The following RAD51B variants were observed in gnomAD, a reference collection of about 807,000 sequenced individuals.
RAD51B encodes the protein DNA repair protein RAD51 homolog 2.
In RAD51B, 38 loss-of-function variants were observed where a neutral mutation model predicts 42.2. That is an observed-to-expected ratio of 0.90 (90% CI 0.70 to 1.18). The LOEUF (loss-of-function observed/expected upper bound fraction) is 1.18. Ranked by LOEUF, RAD51B falls within the 50% of genes most tolerant of loss-of-function variation. RAD51B has a pLI of 0.00. For synonymous variants in RAD51B, 154 were observed against 145.2 expected (o/e 1.06, Z -0.43); for missense variants, 373 against 400.7 (o/e 0.93, Z 0.59).
At chr14:68,270,661 C>T (rs746878952) in intron 7 of RAD51B, among the ~76,000 whole-genome samples, 33 of 152,204 alleles carry the variant, frequency 2.2e-4, no homozygotes, top group African/African-American at 7.0e-4. Flanking sequence ...GAAGACATCA[C>T]CCAGATTGCC....
intron 7 of RAD51B, among the ~76,000 whole-genome samples, chr14:68,184,756 C>T (rs376015559): frequency 6.6e-5 from 10 of 152,088 alleles, no homozygotes; most frequent in Admixed American, 4.6e-4. Flanking sequence ...GGTAAGTTTA[C>T]CTGTAAATGG....
intron 7 of RAD51B, among the ~76,000 whole-genome samples, chr14:68,254,839 A>C (rs192694652): frequency 1.1e-3 from 162 of 152,344 alleles, no homozygotes; most frequent in African/African-American, 3.6e-3. Flanking sequence ...TTTGAATACA[A>C]GGCATACCAT....
At chr14:68,011,923 G>A (rs1053606409) in intron 7 of RAD51B, among the ~76,000 whole-genome samples, 3 of 152,120 alleles carry the variant, frequency 2.0e-5, no homozygotes, top group South Asian at 2.1e-4. Context: ...GCAAAGCATC[G>A]ACACTAAAGG....
intron 7 of RAD51B, among the ~76,000 whole-genome samples, chr14:68,159,483 G>A (rs753224613): frequency 2.0e-5 from 3 of 151,984 alleles, no homozygotes; most frequent in Non-Finnish European, 4.4e-5. Flanking sequence ...AGCCAGCCAC[G>A]ATGGCGTGTG....
chr14:67,855,219 AACAATTACTATTATAGTTCTTTTTTTTT>A (rs2041949733), intron 4 of RAD51B, among the ~76,000 whole-genome samples: 1 of 148,822 alleles, frequency 6.7e-6, no homozygotes, highest in African/African-American at 2.5e-5. Context: ...TTTTTCTTGG[AACAATTACTATTATAGTTCTTTTTTTTT>A]TGAGACAGAG....
chr14:67,956,869 A>G (rs747256301), intron 7 of RAD51B, among the ~76,000 whole-genome samples: 7 of 152,246 alleles, frequency 4.6e-5, no homozygotes, highest in Non-Finnish European at 8.8e-5. Context: ...GACAGCATAG[A>G]TAGTGAGCAT....
intron 7 of RAD51B, among the ~76,000 whole-genome samples, chr14:68,252,978 G>T (rs1392881223): frequency 6.6e-6 from 1 of 151,940 alleles, no homozygotes; most frequent in Non-Finnish European, 1.5e-5. Flanking sequence ...AGCTGCTCAG[G>T]AGGCTAAGGC....
chr14:67,853,828 C>T (rs2041899071), intron 4 of RAD51B, among the ~76,000 whole-genome samples: 1 of 152,114 alleles, frequency 6.6e-6, no homozygotes, highest in Non-Finnish European at 1.5e-5. Context: ...ACGTGAATGT[C>T]ACTGAATCTG....
At chr14:67,914,920 A>G (rs1183386785) in intron 7 of RAD51B, among the ~76,000 whole-genome samples, 1 of 152,200 alleles carries the variant, frequency 6.6e-6, no homozygotes, top group East Asian at 1.9e-4. Context: ...CGGGGATGCC[A>G]CCTCTTCCAA....
chr14:68,632,554 T>C (rs1485530344), intron 10 of RAD51B, among the ~76,000 whole-genome samples: 1 of 152,202 alleles, frequency 6.6e-6, no homozygotes, highest in Non-Finnish European at 1.5e-5. Flanking sequence ...TTTAGCCTTA[T>C]GGGGCCTGGT....
intron 7 of RAD51B, among the ~76,000 whole-genome samples, chr14:68,028,234 C>T (rs537997424): frequency 1.3e-5 from 2 of 152,174 alleles, no homozygotes; most frequent in African/African-American, 4.8e-5. Flanking sequence ...GTCACCAGTA[C>T]GTTGGGGAGA....
At chr14:68,343,092 TAAAA>T (rs945547362) in intron 8 of RAD51B, among the ~76,000 whole-genome samples, 1 of 137,724 alleles carries the variant, frequency 7.3e-6, no homozygotes, top group Non-Finnish European at 1.6e-5. Flanking sequence ...GATAATTAAA[TAAAA>T]CTAATTAAGA....
At chr14:67,835,775 G>C (rs1449572695) in intron 4 of RAD51B, among the ~76,000 whole-genome samples, 1 of 151,940 alleles carries the variant, frequency 6.6e-6, no homozygotes, top group Non-Finnish European at 1.5e-5. Context: ...GGCTGACCTT[G>C]AGCCAGGGAG....
intron 7 of RAD51B, among the ~76,000 whole-genome samples, chr14:68,253,312 A>G (rs887269249): frequency 6.6e-6 from 1 of 151,972 alleles, no homozygotes; most frequent in Non-Finnish European, 1.5e-5. Context: ...TATACTTAAG[A>G]TATTTCCTCA....
intron 8 of RAD51B, among the ~76,000 whole-genome samples, chr14:68,396,208 G>A (rs946132225): frequency 3.3e-5 from 5 of 152,278 alleles, no homozygotes; most frequent in East Asian, 3.9e-4. Context: ...GATATACTTC[G>A]TATGGTCGTT....
intron 4 of RAD51B, among the ~76,000 whole-genome samples, chr14:67,841,149 C>T (rs1307751605): frequency 6.6e-6 from 1 of 152,168 alleles, no homozygotes; most frequent in Non-Finnish European, 1.5e-5. Context: ...GATGGTATCT[C>T]ATTGTGGTTT....
chr14:67,922,658 A>G (rs539060736), intron 7 of RAD51B, among the ~76,000 whole-genome samples: 12 of 149,854 alleles, frequency 8.0e-5, no homozygotes, highest in African/African-American at 3.0e-4. Context: ...CCATCACCCA[A>G]GCAGTGTACA....
At chr14:68,493,162 G>A (rs1411656642) in intron 10 of RAD51B, among the ~76,000 whole-genome samples, 1 of 152,054 alleles carries the variant, frequency 6.6e-6, no homozygotes, top group Non-Finnish European at 1.5e-5. Flanking sequence ...TGATTAATGG[G>A]TCTGCCCTTC....
intron 8 of RAD51B, among the ~76,000 whole-genome samples, chr14:68,402,012 A>AC (rs2084119949): frequency 6.6e-6 from 1 of 152,246 alleles, no homozygotes; most frequent in South Asian, 2.1e-4. Context: ...TGACCTATAG[A>AC]CCATTGTCAA....
Sources: gnomAD v4.1 joint callset for allele counts (sites outside exome capture counted in the v4.1 genomes callset) on GRCh38, gnomAD v4.1.1 for gene constraint, MANE v1.5 for transcripts, NCBI Gene and HGNC (gene_info 2026-07-23, HGNC 2026-07-21) for gene names.